KIF26B: variants seen among roughly 807,000 people sequenced by gnomAD.
KIF26B encodes the protein kinesin family member 26B, also known as kinesin-like protein KIF26B.
Under a neutral mutation model 151.2 loss-of-function variants are expected in KIF26B, and 63 were observed. The ratio of observed to expected loss-of-function variants is 0.42; its 90% confidence interval spans 0.34 to 0.51. KIF26B has a LOEUF of 0.51. Among genes scored for constraint, KIF26B ranks in the 20% least tolerant of loss-of-function variants. The pLI is 0.07. For synonymous variants in KIF26B, 1,357 were observed against 1,262.1 expected, an observed-to-expected ratio of 1.08 and a Z score of -1.59; for missense variants, 2,813 against 2,913.6, an observed-to-expected ratio of 0.97 and a Z score of 0.79.
intron 6 of KIF26B, among the ~76,000 whole-genome samples, chr1:245,605,674 C>T (rs974286490): frequency 1.3e-5 from 2 of 152,190 alleles, no homozygotes; most frequent in South Asian, 2.1e-4. Context: ...GGGCTGTGCT[C>T]GAGAAGGCTG....
At chr1:245,237,431 T>G (rs116591382) in intron 2 of KIF26B, among the ~76,000 whole-genome samples, 1 of 152,074 alleles carries the variant, frequency 6.6e-6, no homozygotes, top group Non-Finnish European at 1.5e-5. Flanking sequence ...GGGAAAGTGC[T>G]CCTCCAGCAC....
In KIF26B at chr1:245,356,450, G is replaced by A. The variant is rs533767851; in HGVS notation, c.466-10384G>A. On this transcript the variant is annotated intron_variant, in intron 2 of 14. Coordinates refer to ENST00000407071, the MANE Select transcript of KIF26B (RefSeq NM_018012.4). ...GGGCGCCTGTGATCCCAAGGTACTGGGGAGGCTGAGGCAGGAGAATTGCTT... is the reference window on the plus strand; with the variant it reads ...GGGCGCCTGTGATCCCAAGGTACTGAGGAGGCTGAGGCAGGAGAATTGCTT... Among the ~76,000 whole-genome samples the A allele has an allele frequency of 3.3e-5, 5 of 152,208 alleles. No homozygotes were observed. In the East Asian group the frequency reaches 9.7e-4, roughly 29 times the overall value.
In KIF26B at chr1:245,244,344, G is replaced by C. The variant is rs146439314; in HGVS notation, c.465+87661G>C. On this transcript the variant is annotated intron_variant, in intron 2 of 14. Coordinates refer to ENST00000407071, the MANE Select transcript of KIF26B (RefSeq NM_018012.4). This position sits in a 1 kb window ranked among gnomAD's most constrained non-coding sequence, Gnocchi z 4.2. Reference sequence around the variant, plus strand: ...TACTCTGAAAGACAATCCAAGATACGTCAGAGTCTCTTCTTGGGAAATATG... The same window carrying C: ...TACTCTGAAAGACAATCCAAGATACCTCAGAGTCTCTTCTTGGGAAATATG... Among the ~76,000 whole-genome samples the C allele has an allele frequency of 6.6e-5, 10 of 152,170 alleles. No homozygotes were observed. The highest frequency in any genetic ancestry group is 2.2e-4 in the African/African-American group (9 of 41,496).
chr1:245,438,674 A>G lies in KIF26B; in HGVS notation c.1166+18929A>G, dbSNP rs371109493. 1.1e-3 allele frequency among the ~76,000 whole-genome samples: 163 copies of G among 145,372 alleles called. 1 individual carries two copies. The highest frequency in any genetic ancestry group is 4.2e-3 in the African/African-American group (151 of 35,876). On this transcript the variant is annotated intron_variant, in intron 4 of 14. Coordinates refer to ENST00000407071, the MANE Select transcript of KIF26B (RefSeq NM_018012.4). ...TCCACCAACTGATAAATGAATAGAC[A>G]AAAAAAACATGGATGTCCATTCAGT... is the stretch of plus-strand genomic sequence containing the variant.
intron 2 of KIF26B, among the ~76,000 whole-genome samples, chr1:245,207,069 T>G (rs1484517614): frequency 6.6e-6 from 1 of 152,176 alleles, no homozygotes; most frequent in Non-Finnish European, 1.5e-5. Context: ...CCCTTAAGCC[T>G]AGCAAGGTAC....
chr1:245,464,564 G>GGT (rs1659730935), intron 4 of KIF26B, among the ~76,000 whole-genome samples: 2 of 143,904 alleles, frequency 1.4e-5, no homozygotes, highest in African/African-American at 5.3e-5. Context: ...TTCCTGTGTG[G>GGT]GTGTGTGGGT....
chr1:245,618,922 A>G (rs1227557089), intron 9 of KIF26B, among the ~76,000 whole-genome samples: 1 of 135,502 alleles, frequency 7.4e-6, no homozygotes, highest in Non-Finnish European at 1.5e-5. Context: ...TCCAAGCCCT[A>G]TTAGACTATA....
At chr1:245,420,769 TTAC>T (rs1487833377) in intron 4 of KIF26B, among the ~76,000 whole-genome samples, 18 of 152,188 alleles carry the variant, frequency 1.2e-4, no homozygotes, top group African/African-American at 4.3e-4. Flanking sequence ...GTAGAAATGG[TTAC>T]TACTATGTCA....
rs1311129650 is a variant in KIF26B, at chr1:245,685,679, C to G, written c.2696C>G (p.Thr899Ser). ...CCTATCGTGCCAGCCCTGCAGAAGA[C>G]CCGGGGCGACAGCCGGCCCGCAGAG... ...FVPIVPALQK[T>S]RGDSRPAEAG... The change falls in exon 12 of 15, where the codon ACC becomes AGC. Residue 899 changes from threonine to serine, a missense_variant. Thr to Ser is a moderately conservative substitution (Grantham distance 58). Transcript: ENST00000407071. 1.2e-6 allele frequency: 2 copies of G among 1,612,976 alleles called. No homozygotes were observed. Among genetic ancestry groups the G allele is most frequent in the South Asian group, 1.1e-5 (1 of 91,026 alleles).
chr1:245,689,289 G>A (rs888958761), intron 12 of KIF26B, among the ~76,000 whole-genome samples: 1 of 152,204 alleles, frequency 6.6e-6, no homozygotes, highest in Admixed American at 6.5e-5. Flanking sequence ...GAGGGATCAG[G>A]TGAGGGTACC....
At chr1:245,499,447 C>A (rs1660576076) in intron 4 of KIF26B, among the ~76,000 whole-genome samples, 1 of 152,188 alleles carries the variant, frequency 6.6e-6, no homozygotes, top group Non-Finnish European at 1.5e-5. Context: ...TCATAGCTAA[C>A]CTGCACTGCC....
chr1:245,540,854 C>T lies in KIF26B; in HGVS notation c.1254C>T (p.Thr418=). 1 of 1,613,930 alleles carries T rather than the reference C, an allele frequency of 6.2e-7. No homozygotes were observed. Among genetic ancestry groups the T allele is most frequent in the Non-Finnish European group, 8.5e-7 (1 of 1,179,846 alleles). Reference sequence around the variant, plus strand: ...CTGCCGAACCACCGCTCTTTGCAACCAGCTTCAGTGGGATTCTGCAGACCT... The same window carrying T: ...CTGCCGAACCACCGCTCTTTGCAACTAGCTTCAGTGGGATTCTGCAGACCT... The part of the protein sequence containing the change: ...SSAAEPPLFA[T]SFSGILQTSP... Residue 418 remains threonine, a synonymous_variant, in exon 5 of 15, where the codon ACC becomes ACT. Coordinates refer to ENST00000407071, the MANE Select transcript of KIF26B (RefSeq NM_018012.4). The surrounding 1 kb of genome is among the most constrained non-coding windows in gnomAD (Gnocchi z 4.6).
intron 4 of KIF26B, among the ~76,000 whole-genome samples, chr1:245,477,916 T>C (rs899615113): frequency 1.3e-5 from 2 of 151,772 alleles, no homozygotes; most frequent in African/African-American, 4.8e-5. Context: ...GTTTTTAGTC[T>C]AGTCATCATA....
intron 2 of KIF26B, among the ~76,000 whole-genome samples, chr1:245,236,785 G>A (rs367870335): frequency 3.9e-5 from 6 of 152,198 alleles, no homozygotes; most frequent in East Asian, 3.8e-4. Flanking sequence ...GTGTGTGGCC[G>A]TGAGCCCCGT....
At position 245,344,665 on chromosome 1, in the gene KIF26B, C is replaced by T. The variant is rs1327356494; in HGVS notation, c.466-22169C>T. The stretch of plus-strand genomic sequence containing the variant: ...TGGGCTCCGCCACTTCTCTATTGCC[C>T]AGTTCTTCTGCTGGGATGCTGGCCT... On this transcript the variant is annotated intron_variant, in intron 2 of 14. Coordinates refer to ENST00000407071, the MANE Select transcript of KIF26B (RefSeq NM_018012.4). Among the ~76,000 whole-genome samples, 3 of 151,926 alleles carry T rather than the reference C, an allele frequency of 2.0e-5. No homozygotes were observed. In the East Asian group the frequency reaches 5.8e-4, roughly 29 times the overall value.
At chr1:245,500,375 T>A (rs1660596607) in intron 4 of KIF26B, among the ~76,000 whole-genome samples, 1 of 152,230 alleles carries the variant, frequency 6.6e-6, no homozygotes. Context: ...AATAAATACA[T>A]CTCACATTTG....
At chr1:245,624,584 A>G (rs1450387451) in intron 9 of KIF26B, among the ~76,000 whole-genome samples, 1 of 152,192 alleles carries the variant, frequency 6.6e-6, no homozygotes, top group Admixed American at 6.5e-5. Flanking sequence ...GTCCCTTCAA[A>G]TCTTCTGTCC....
intron 2 of KIF26B, among the ~76,000 whole-genome samples, chr1:245,180,419 C>T (rs562821920): frequency 6.6e-5 from 10 of 152,246 alleles, no homozygotes; most frequent in African/African-American, 2.2e-4. Context: ...TCAACTGTGT[C>T]CTTCCTCAAC....
chr1:245,471,131 G>GTGTA (rs138483670), intron 4 of KIF26B, among the ~76,000 whole-genome samples: 55 of 149,434 alleles, frequency 3.7e-4, no homozygotes, highest in East Asian at 1.2e-3. Flanking sequence ...GTGTGTGTGT[G>GTGTA]TATATATATA....
Sources: gnomAD v4.1 joint callset for allele counts (sites outside exome capture counted in the v4.1 genomes callset) on GRCh38, gnomAD v4.1.1 for gene constraint, Gnocchi (gnomAD v3.1) non-coding constraint, MANE v1.5 for transcripts, NCBI Gene and HGNC (gene_info 2026-07-23, HGNC 2026-07-21) for gene names.